PAG1: variants seen among roughly 807,000 people sequenced by gnomAD.
PAG1 encodes the protein phosphoprotein associated with glycosphingolipid-enriched microdomains 1.
A neutral mutation model predicts 31.7 loss-of-function variants in PAG1; 23 were observed. That is an observed-to-expected ratio of 0.73 (90% CI 0.52 to 1.03). The LOEUF (loss-of-function observed/expected upper bound fraction) is 1.03, where lower values mean the gene tolerates loss of function less well. Among genes scored for constraint, PAG1 ranks in the 50% least tolerant of loss-of-function variants. The probability of loss-of-function intolerance (pLI) is 0.00; values close to 1 mark genes in which losing one functional copy is unlikely to be tolerated. For synonymous variants in PAG1, 214 were observed against 210.3 expected (o/e 1.02, Z -0.15); for missense variants, 473 against 540.7 (o/e 0.87, Z 1.24).
At position 80,969,375 on chromosome 8, in the gene PAG1, C is replaced by T. The variant is rs962229311; in HGVS notation, c.*7169G>A. The T allele has an allele frequency of 6.6e-6, 1 of 152,124 alleles. No homozygotes were observed. Among genetic ancestry groups the T allele is most frequent in the Admixed American group, 6.5e-5 (1 of 15,268 alleles). 9.4% of individuals were successfully genotyped at this position (152,124 alleles called of 1,614,324 possible). A position where few individuals can be genotyped will look rare whatever the true frequency, so the allele number is the denominator to read the frequency against. The stretch of plus-strand genomic sequence containing the variant: ...ACCCATAGACTCAGGCTTTTGGTCC[C>T]AGCCTCTTCTTCCAGAGAAGGGCAC... On this transcript the variant is annotated 3_prime_UTR_variant, in exon 9 of 9. Coordinates refer to ENST00000220597, the MANE Select transcript of PAG1 (RefSeq NM_018440.4).
At chr8:80,991,396 A>T in intron 5 of PAG1, 83 bp downstream of exon 5, 1 of 1,079,074 alleles carries the variant, frequency 9.3e-7, no homozygotes, top group Non-Finnish European at 1.4e-6. Context: ...TCAGGCTGTG[A>T]GCACATGGGA....
intron 1 of PAG1, among the ~76,000 whole-genome samples, chr8:81,081,302 T>C (rs543753643): frequency 3.9e-5 from 6 of 152,232 alleles, no homozygotes; most frequent in African/African-American, 9.6e-5. Flanking sequence ...TGATATAGCA[T>C]TGTGTTTTCA....
intron 1 of PAG1, among the ~76,000 whole-genome samples, chr8:81,091,916 C>T (rs1210591766): frequency 6.6e-6 from 1 of 150,840 alleles, no homozygotes; most frequent in African/African-American, 2.4e-5. Context: ...GGGAGAATTG[C>T]TTGAGCCTAG....
At chr8:81,016,206 A>G (rs1400599843) in intron 3 of PAG1, among the ~76,000 whole-genome samples, 1 of 152,246 alleles carries the variant, frequency 6.6e-6, no homozygotes, top group Non-Finnish European at 1.5e-5. Flanking sequence ...GCTGCTGAGT[A>G]AATGGCTGTT....
chr8:80,996,198 G>A (rs147312344), intron 3 of PAG1, among the ~76,000 whole-genome samples: 24 of 152,368 alleles, frequency 1.6e-4, no homozygotes, highest in Admixed American at 4.6e-4. Flanking sequence ...ACCAGTCCCC[G>A]TGGTCGTGGG....
rs574086869 is a variant in PAG1, at chr8:81,063,621, C to T, written c.-175+6491G>A. 7.9e-5 allele frequency among the ~76,000 whole-genome samples: 12 copies of T among 152,194 alleles called. No homozygotes were observed. The South Asian group carries it at 2.1e-3, about 26-fold the overall frequency. On this transcript the variant is annotated intron_variant, in intron 2 of 8. Coordinates refer to ENST00000220597, the MANE Select transcript of PAG1 (RefSeq NM_018440.4). ...CCTTATGTTAGTAATTTGGATGTGA[C>T]AGGTGTCTGGCTGTGAAAGTATCAC...
At chr8:80,982,910 G>T (rs1807338087) in intron 7 of PAG1, among the ~76,000 whole-genome samples, 1 of 152,062 alleles carries the variant, frequency 6.6e-6, no homozygotes, top group Admixed American at 6.5e-5. Context: ...TTTCTAATCT[G>T]GTTTATTAGA....
intron 1 of PAG1, among the ~76,000 whole-genome samples, chr8:81,086,263 G>C (rs568490155): frequency 1.3e-5 from 2 of 152,148 alleles, no homozygotes; most frequent in Admixed American, 1.3e-4. Flanking sequence ...TTACAGGCGT[G>C]AGCCACCGCG....
At chr8:80,993,411 G>A (rs377614444) in intron 3 of PAG1, 104 bp from the exon 4 acceptor site, 1 of 575,446 alleles carries the variant, frequency 1.7e-6, no homozygotes, top group East Asian at 3.1e-5. Context: ...AGTCAGGGAA[G>A]CGTGTGCTGG....
rs10111659 is a variant in PAG1, at chr8:81,034,319, T to C, written c.-174-4230A>G. Among the ~76,000 whole-genome samples the C allele has an allele frequency of 9.2e-3, 1,403 of 152,260 alleles. 18 individuals are homozygous for C. The highest frequency in any genetic ancestry group is 0.032 in the African/African-American group (1,344 of 41,534). On this transcript the variant is annotated intron_variant, in intron 2 of 8. Transcript: ENST00000220597. ...ATTCACTGATTGAGTGAATTCATTT[T>C]AAAAAAATCAGAGTAGGCTCAAGGA...
intron 3 of PAG1, among the ~76,000 whole-genome samples, chr8:81,026,372 A>C (rs1185326596): frequency 2.0e-5 from 3 of 150,588 alleles, no homozygotes; most frequent in African/African-American, 7.4e-5. Flanking sequence ...AAAAAACCCC[A>C]AAATAAAAGA....
At chr8:80,981,228 C>T (rs570539077) in intron 7 of PAG1, among the ~76,000 whole-genome samples, 36 of 151,966 alleles carry the variant, frequency 2.4e-4, no homozygotes, top group Non-Finnish European at 4.6e-4. Flanking sequence ...TTCAGACCAG[C>T]GCTCGTTGTC....
At chr8:81,072,721 A>C (rs1809115066) in intron 1 of PAG1, among the ~76,000 whole-genome samples, 1 of 152,202 alleles carries the variant, frequency 6.6e-6, no homozygotes, top group Non-Finnish European at 1.5e-5. Flanking sequence ...ACACATACTC[A>C]CATACTCTCA....
chr8:81,052,111 C>G (rs1586189602), intron 2 of PAG1, among the ~76,000 whole-genome samples: 2 of 142,404 alleles, frequency 1.4e-5, no homozygotes, highest in South Asian at 4.4e-4. Context: ...GCCCGGGCGA[C>G]AGAGCGAGAC....
rs369410949 is a variant in PAG1 at position 81,082,083 on chromosome 8, T to C, written c.-233-11913A>G. On this transcript the variant is annotated intron_variant, in intron 1 of 8. Coordinates refer to ENST00000220597, the MANE Select transcript of PAG1 (RefSeq NM_018440.4). ...GCCTGGCCAACACAGCGAAACCCCA[T>C]CTCTACTAAAAATACAAAAATCAGC... Among the ~76,000 whole-genome samples the C allele has an allele frequency of 1.1e-4, 16 of 151,294 alleles. No individual in the cohort carries two copies. The East Asian group carries it at 2.9e-3, about 28-fold the overall frequency.
At chr8:81,008,396 G>C (rs1012478545) in intron 3 of PAG1, among the ~76,000 whole-genome samples, 1 of 151,812 alleles carries the variant, frequency 6.6e-6, no homozygotes, top group Non-Finnish European at 1.5e-5. Flanking sequence ...ACAATGTAAG[G>C]TGTTCTGCAG....
chr8:81,096,411 T>C (rs536808073), intron 1 of PAG1, among the ~76,000 whole-genome samples: 2 of 152,226 alleles, frequency 1.3e-5, no homozygotes, highest in East Asian at 1.9e-4. Flanking sequence ...TGATAATATA[T>C]AAAAAGGGAT....
At chr8:81,056,570 C>G (rs1305513873) in intron 2 of PAG1, among the ~76,000 whole-genome samples, 2 of 152,106 alleles carry the variant, frequency 1.3e-5, no homozygotes, top group Admixed American at 6.6e-5. Context: ...AAAATTAATT[C>G]AAGATGGATT....
intron 8 of PAG1, among the ~76,000 whole-genome samples, chr8:80,977,737 CCA>C (rs763245358): frequency 1.7e-4 from 26 of 152,150 alleles, no homozygotes; most frequent in Non-Finnish European, 3.5e-4. Context: ...AAGCACACCC[CCA>C]CAGTCTCACT....
Sources: allele counts gnomAD v4.1 joint callset (sites outside exome capture counted in the v4.1 genomes callset), GRCh38; gene constraint gnomAD v4.1.1; transcripts MANE v1.5; gene names NCBI Gene and HGNC (gene_info 2026-07-23, HGNC 2026-07-21).